The following TAFA2 variants were observed in gnomAD, a reference collection of about 807,000 sequenced individuals.
TAFA2 encodes chemokine-like protein TAFA-2.
A neutral mutation model predicts 18.8 loss-of-function variants in TAFA2; 7 were observed. The observed-to-expected ratio is 0.37, with a 90% confidence interval of 0.21 to 0.70. The LOEUF is 0.70. TAFA2 is among the 30% of genes least tolerant of loss of function. The pLI, the probability that TAFA2 is intolerant of heterozygous loss-of-function variation, is 0.53. For missense variants in TAFA2, 122 were observed against 158.1 expected (o/e 0.77, Z 1.23); for synonymous variants, 60 against 54.2 (o/e 1.11, Z -0.47).
chr12:62,162,630 G>T (rs73315682), intron 1 of TAFA2, among the ~76,000 whole-genome samples: 120 of 152,262 alleles, frequency 7.9e-4, no homozygotes, highest in African/African-American at 2.6e-3. Flanking sequence ...TATCATATGT[G>T]AACTGTGGAC....
intron 1 of TAFA2, among the ~76,000 whole-genome samples, chr12:62,254,901 A>G (rs769027532): frequency 8.5e-5 from 13 of 152,212 alleles, no homozygotes; most frequent in Non-Finnish European, 1.9e-4. Flanking sequence ...GGGTTGTCCA[A>G]ACAGAAAGTC....
chr12:61,885,278 T>A (rs1310030563), intron 1 of TAFA2, among the ~76,000 whole-genome samples: 1 of 152,202 alleles, frequency 6.6e-6, no homozygotes, highest in Non-Finnish European at 1.5e-5. Flanking sequence ...GGGCATGCTA[T>A]GCGTCAGATA....
At chr12:62,153,921 A>ATTATGTTTTATG (rs2062348392) in intron 1 of TAFA2, among the ~76,000 whole-genome samples, 1 of 124,024 alleles carries the variant, frequency 8.1e-6, no homozygotes, top group African/African-American at 3.2e-5. Flanking sequence ...ACATAACAAA[A>ATTATGTTTTATG]TTATGTTATG....
In TAFA2 at chr12:61,770,873, A is replaced by T. The variant is rs1290724792; in HGVS notation, c.107-15849T>A. 2.6e-5 allele frequency among the ~76,000 whole-genome samples: 4 copies of T among 152,134 alleles called. No homozygotes were observed. In the East Asian group the frequency reaches 7.7e-4, roughly 29 times the overall value. On this transcript the variant is annotated intron_variant, in intron 2 of 4. Transcript: ENST00000416284. ...TATCAAAGCAATAACTAGTACAGTG[A>T]ATAGAAGAGTACCTCACTTTTCAAT...
intron 1 of TAFA2, among the ~76,000 whole-genome samples, chr12:62,251,414 A>G (rs766917538): frequency 2.2e-4 from 34 of 152,222 alleles, no homozygotes; most frequent in Non-Finnish European, 4.4e-4. Flanking sequence ...AGAGTTTAGA[A>G]ATACTGAAAG....
At chr12:61,891,431 G>A (rs1007578345) in intron 1 of TAFA2, among the ~76,000 whole-genome samples, 1 of 152,180 alleles carries the variant, frequency 6.6e-6, no homozygotes, top group Non-Finnish European at 1.5e-5. Context: ...CGGATCCCCT[G>A]AAGTCAGGAG....
chr12:61,818,294 T>C (rs1011027936), intron 2 of TAFA2, among the ~76,000 whole-genome samples: 1 of 152,186 alleles, frequency 6.6e-6, no homozygotes, highest in Non-Finnish European at 1.5e-5. Flanking sequence ...GCTTATTTTT[T>C]TTAACCTACA....
At chr12:62,014,209 G>A (rs1488093004) in intron 1 of TAFA2, among the ~76,000 whole-genome samples, 1 of 152,164 alleles carries the variant, frequency 6.6e-6, no homozygotes, top group Admixed American at 6.5e-5. Context: ...AGAATACAGG[G>A]TAAATTTAAC....
intron 1 of TAFA2, among the ~76,000 whole-genome samples, chr12:62,244,089 CTT>C (rs577907756): frequency 1.4e-5 from 2 of 139,992 alleles, no homozygotes; most frequent in African/African-American, 2.6e-5. Flanking sequence ...CATACCTGGC[CTT>C]TTTTTTTTTT....
chr12:61,959,094 G>T (rs1310988667), intron 1 of TAFA2, among the ~76,000 whole-genome samples: 1 of 151,738 alleles, frequency 6.6e-6, no homozygotes, highest in Non-Finnish European at 1.5e-5. Context: ...GGGCTTTATT[G>T]TATGCCCTGA....
chr12:62,093,345 TTAA>T lies in TAFA2; in HGVS notation c.-2+97911_-2+97913del, dbSNP rs540057813. ...ATTCTGTGGGTTTATCAAGGTAATATTAATGATGGAAATGAAGATTTCAAATAC... is the reference window on the plus strand; with the variant it reads ...ATTCTGTGGGTTTATCAAGGTAATATTGATGGAAATGAAGATTTCAAATAC... On this transcript the variant is annotated intron_variant, in intron 1 of 4. Transcript: ENST00000416284. 6.4e-4 allele frequency among the ~76,000 whole-genome samples: 98 copies of T among 152,158 alleles called. No individual in the cohort carries two copies. The South Asian group carries it at 0.02, about 31-fold the overall frequency.
intron 1 of TAFA2, among the ~76,000 whole-genome samples, chr12:62,076,208 A>G (rs768463236): frequency 7.2e-5 from 11 of 152,194 alleles, no homozygotes; most frequent in Non-Finnish European, 1.5e-4. Context: ...ATATTTGAGC[A>G]TGTCTGGTAT....
At chr12:61,804,728 C>G (rs1341488768) in intron 2 of TAFA2, among the ~76,000 whole-genome samples, 1 of 152,008 alleles carries the variant, frequency 6.6e-6, no homozygotes, top group Non-Finnish European at 1.5e-5. Flanking sequence ...ATTTTAAGCA[C>G]TTTATACCCA....
At chr12:62,113,335 C>T (rs1869819115) in intron 1 of TAFA2, among the ~76,000 whole-genome samples, 1 of 152,188 alleles carries the variant, frequency 6.6e-6, no homozygotes. Flanking sequence ...GCAAAGATTG[C>T]TGCCTGTTCC....
intron 2 of TAFA2, among the ~76,000 whole-genome samples, chr12:61,774,217 C>A (rs116562128): frequency 0.031 from 4,648 of 151,956 alleles, 235 homozygotes; most frequent in African/African-American, 0.11. Flanking sequence ...AACACTTTTA[C>A]ACTGCTAGTG....
intron 2 of TAFA2, among the ~76,000 whole-genome samples, chr12:61,862,420 A>T (rs1403870587): frequency 6.6e-6 from 1 of 152,238 alleles, no homozygotes; most frequent in Admixed American, 6.5e-5. Context: ...TTTATTAAGA[A>T]GATGACAACA....
chr12:61,735,415 T>C (rs915072578), intron 4 of TAFA2, among the ~76,000 whole-genome samples: 2 of 152,092 alleles, frequency 1.3e-5, no homozygotes, highest in Non-Finnish European at 2.9e-5. Flanking sequence ...CACATAATAA[T>C]TGTACATATT....
At chr12:61,837,717 C>T (rs147427523) in intron 2 of TAFA2, among the ~76,000 whole-genome samples, 129 of 152,004 alleles carry the variant, frequency 8.5e-4, no homozygotes, top group African/African-American at 3.0e-3. Context: ...ATAGCTGCTG[C>T]GTTCCTGAAA....
intron 2 of TAFA2, among the ~76,000 whole-genome samples, chr12:61,790,139 A>T (rs1352132063): frequency 4.6e-5 from 7 of 151,038 alleles, no homozygotes; most frequent in African/African-American, 1.7e-4. Context: ...CCATAGGTAC[A>T]GGAAAAGTAT....
Sources: allele counts gnomAD v4.1 joint callset (sites outside exome capture counted in the v4.1 genomes callset), GRCh38; gene constraint gnomAD v4.1.1; transcripts MANE v1.5; gene names NCBI Gene and HGNC (gene_info 2026-07-23, HGNC 2026-07-21).